OPCML: variants seen among roughly 807,000 people sequenced by gnomAD.
OPCML encodes the protein opioid-binding protein/cell adhesion molecule.
OPCML carries 13 observed loss-of-function variants against 37.8 expected under a neutral mutation model. The observed-to-expected ratio is 0.34, with a 90% CI of 0.22 to 0.55. The LOEUF (loss-of-function observed/expected upper bound fraction) is 0.55, where lower values mean the gene tolerates loss of function less well. Among genes scored for constraint, OPCML ranks in the 20% least tolerant of loss-of-function variants. OPCML has a pLI of 0.91. For missense variants in OPCML, 341 were observed against 435.6 expected (o/e 0.78, Z 1.93); for synonymous variants, 176 against 168.8 (o/e 1.04, Z -0.33).
chr11:133,524,506 C>T (rs1156530366), intron 1 of OPCML, among the ~76,000 whole-genome samples: 1 of 152,190 alleles, frequency 6.6e-6, no homozygotes, highest in African/African-American at 2.4e-5. Flanking sequence ...CTCTAAATTT[C>T]AAATAACTGG....
intron 1 of OPCML, among the ~76,000 whole-genome samples, chr11:133,253,021 C>G (rs968890671): frequency 1.3e-5 from 2 of 151,694 alleles, no homozygotes; most frequent in African/African-American, 4.8e-5. Context: ...TGGTGGGCAC[C>G]GGTAATCCCA....
At chr11:132,949,740 A>G (rs995257045) in intron 1 of OPCML, among the ~76,000 whole-genome samples, 2 of 152,226 alleles carry the variant, frequency 1.3e-5, no homozygotes, top group African/African-American at 4.8e-5. Context: ...TTTATGTTGG[A>G]CACTGTTCTA....
At chr11:132,946,588 G>A (rs976650767) in intron 1 of OPCML, among the ~76,000 whole-genome samples, 14 of 152,156 alleles carry the variant, frequency 9.2e-5, no homozygotes, top group African/African-American at 2.4e-4. Flanking sequence ...CTATACCACT[G>A]TCATATATGC....
intron 3 of OPCML, among the ~76,000 whole-genome samples, chr11:132,540,795 T>G (rs2137366432): frequency 6.6e-6 from 1 of 152,360 alleles, no homozygotes; most frequent in South Asian, 2.1e-4. Flanking sequence ...CAGAAGTTAT[T>G]TATAGACTCA....
At chr11:132,533,777 AC>A (rs759595052) in intron 3 of OPCML, among the ~76,000 whole-genome samples, 2 of 151,900 alleles carry the variant, frequency 1.3e-5, no homozygotes, top group Non-Finnish European at 2.9e-5. Context: ...CCATTCCCAC[AC>A]CTATGCCATC....
At position 133,206,553 on chromosome 11, in the gene OPCML, T is replaced by C. The variant is rs1306113864; in HGVS notation, c.62-263543A>G. Among the ~76,000 whole-genome samples, 1 of 152,162 alleles carries C rather than the reference T, an allele frequency of 6.6e-6. No individual in the cohort carries two copies. The highest frequency in any genetic ancestry group is 1.5e-5 in the Non-Finnish European group (1 of 68,034). ...CTGTACTCTCAGAAACATTTGCATA[T>C]CTAAGCCACTAATAAATGAAGGGTA... On this transcript the variant is annotated intron_variant, in intron 1 of 7. Transcript: ENST00000524381. The surrounding 1 kb of genome is among the most constrained non-coding windows in gnomAD (Gnocchi z 4.7).
chr11:133,331,850 G>A (rs1943625911), intron 1 of OPCML, among the ~76,000 whole-genome samples: 1 of 151,902 alleles, frequency 6.6e-6, no homozygotes, highest in African/African-American at 2.4e-5. Flanking sequence ...AGAAAGTATG[G>A]CCATGGTGGC....
Position 132,699,658 on chromosome 11 carries a change from G to A in OPCML, c.147-42339C>T, listed in dbSNP as rs533766605. On this transcript the variant is annotated intron_variant, in intron 2 of 7. Coordinates refer to ENST00000524381, the MANE Select transcript of OPCML (RefSeq NM_001012393.5). ...CGTAGTGCACCATAATTATTAATTT[G>A]CATATGTTGAACCATCCTTGCATGT... Among the ~76,000 whole-genome samples, 8 of 152,046 alleles carry A rather than the reference G, an allele frequency of 5.3e-5. No homozygotes were observed. The South Asian group carries it at 1.0e-3, about 20-fold the overall frequency.
chr11:132,887,480 A>G (rs772510145), intron 2 of OPCML, among the ~76,000 whole-genome samples: 9 of 152,190 alleles, frequency 5.9e-5, no homozygotes, highest in Non-Finnish European at 1.3e-4. Context: ...GCTATTTTGC[A>G]CTCACCCCGA....
At chr11:132,949,102 G>A (rs1303358920) in intron 1 of OPCML, among the ~76,000 whole-genome samples, 2 of 152,202 alleles carry the variant, frequency 1.3e-5, no homozygotes, top group African/African-American at 4.8e-5. Context: ...GGATTTCCAG[G>A]TCAGTATTCA....
intron 3 of OPCML, among the ~76,000 whole-genome samples, chr11:132,583,648 C>T (rs2096466564): frequency 6.6e-6 from 1 of 151,812 alleles, no homozygotes; most frequent in Non-Finnish European, 1.5e-5. Flanking sequence ...GAGAGTTTTG[C>T]TCTTGTTTCC....
intron 1 of OPCML, among the ~76,000 whole-genome samples, chr11:133,190,502 CTCAT>C (rs1381264980): frequency 1.3e-5 from 2 of 152,144 alleles, no homozygotes; most frequent in African/African-American, 4.8e-5. Flanking sequence ...ATACAATTCA[CTCAT>C]TCAAAGTATA....
chr11:132,618,481 T>C (rs1260917914), intron 3 of OPCML, among the ~76,000 whole-genome samples: 1 of 152,026 alleles, frequency 6.6e-6, no homozygotes. Context: ...CCAGCCTGGG[T>C]GACAGAGCAA....
intron 1 of OPCML, among the ~76,000 whole-genome samples, chr11:133,345,953 TTCTTAGC>T (rs1390142507): frequency 1.3e-5 from 2 of 152,238 alleles, no homozygotes; most frequent in Non-Finnish European, 2.9e-5. Flanking sequence ...GACTATTACT[TTCTTAGC>T]TCTGGTCGCT....
At chr11:132,575,816 T>C (rs2096449112) in intron 3 of OPCML, among the ~76,000 whole-genome samples, 1 of 152,138 alleles carries the variant, frequency 6.6e-6, no homozygotes, top group Non-Finnish European at 1.5e-5. Flanking sequence ...AAATTTCTTA[T>C]GTGACAGGTT....
intron 1 of OPCML, among the ~76,000 whole-genome samples, chr11:133,190,058 G>A (rs143537204): frequency 2.6e-5 from 4 of 152,302 alleles, no homozygotes; most frequent in Non-Finnish European, 4.4e-5. Flanking sequence ...ATTGGTCACA[G>A]GCAGGCAGGA....
intron 1 of OPCML, among the ~76,000 whole-genome samples, chr11:133,060,092 T>C (rs1948312391): frequency 1.3e-5 from 2 of 152,186 alleles, no homozygotes; most frequent in South Asian, 4.1e-4. Flanking sequence ...CTGGATCTCA[T>C]GCTACTAAAC....
chr11:133,006,919 G>A, intron 1 of OPCML: 4 of 985,424 alleles, frequency 4.1e-6, no homozygotes, highest in Non-Finnish European at 4.8e-6. Flanking sequence ...CTGGTGTAGT[G>A]CTTGTGGCAT....
chr11:133,035,183 C>A (rs936942232), intron 1 of OPCML, among the ~76,000 whole-genome samples: 1 of 152,174 alleles, frequency 6.6e-6, no homozygotes, highest in Non-Finnish European at 1.5e-5. Context: ...GCAGCCAGCC[C>A]GACAGGGGAG....
Sources: allele counts gnomAD v4.1 joint callset (sites outside exome capture counted in the v4.1 genomes callset), GRCh38; gene constraint gnomAD v4.1.1; non-coding constraint Gnocchi (gnomAD v3.1); transcripts MANE v1.5; gene names NCBI Gene and HGNC (gene_info 2026-07-23, HGNC 2026-07-21).